Variants in LRRC7 observed in about 807,000 individuals in gnomAD.
LRRC7 encodes leucine-rich repeat-containing protein 7.
A neutral mutation model predicts 175.7 loss-of-function variants in LRRC7; 23 were observed. The observed-to-expected ratio is 0.13, with a 90% CI of 0.09 to 0.19. The LOEUF (loss-of-function observed/expected upper bound fraction) is 0.19. Ranked by LOEUF, LRRC7 falls within the 10% of genes least tolerant of loss-of-function variation. LRRC7 has a pLI of 1.00. For missense variants in LRRC7, 1,354 were observed against 1,904.7 expected (o/e 0.71, Z 5.38); for synonymous variants, 685 against 680.9 (o/e 1.01, Z -0.09).
intron 2 of LRRC7, among the ~76,000 whole-genome samples, chr1:69,689,579 A>C (rs1661589025): frequency 6.6e-6 from 1 of 152,198 alleles, no homozygotes; most frequent in African/African-American, 2.4e-5. Flanking sequence ...AGCTCTGTTT[A>C]TCTCTAGTCA....
chr1:69,614,116 T>G (rs1460550483), intron 1 of LRRC7, among the ~76,000 whole-genome samples: 1 of 152,064 alleles, frequency 6.6e-6, no homozygotes, highest in Non-Finnish European at 1.5e-5. Context: ...TGCCTACTTT[T>G]CATTTCATGT....
At chr1:69,743,697 G>A (rs985517750) in intron 2 of LRRC7, among the ~76,000 whole-genome samples, 5 of 151,862 alleles carry the variant, frequency 3.3e-5, no homozygotes, top group African/African-American at 4.8e-5. Context: ...TTAGCTAGAA[G>A]GTGGAAGTAA....
At chr1:69,908,101 G>T (rs1227557060) in intron 7 of LRRC7, among the ~76,000 whole-genome samples, 1 of 152,150 alleles carries the variant, frequency 6.6e-6, no homozygotes, top group African/African-American at 2.4e-5. Context: ...TGACATCAGT[G>T]GTGATATCGC....
In LRRC7 at chr1:69,663,115, A is replaced by C. The variant is rs116826086; in HGVS notation, c.3-15266A>C. Among the ~76,000 whole-genome samples the C allele has an allele frequency of 9.6e-3, 1,456 of 152,150 alleles. 23 individuals are homozygous for C. The highest frequency in any genetic ancestry group is 0.034 in the African/African-American group (1,392 of 41,508). On this transcript the variant is annotated intron_variant, in intron 1 of 26. Transcript: ENST00000651989. The stretch of plus-strand genomic sequence containing the variant: ...TAGAAATCTTATTTCTTCTTTTTCC[A>C]TAAGAATGGTTAGTCCTACTTTCAT...
chr1:69,790,841 A>G (rs761895303), intron 3 of LRRC7, among the ~76,000 whole-genome samples: 5 of 152,018 alleles, frequency 3.3e-5, no homozygotes, highest in Non-Finnish European at 7.4e-5. Flanking sequence ...TTAATTCTAC[A>G]CTACATGAAG....
chr1:70,088,351 G>A (rs1025423131), intron 24 of LRRC7, among the ~76,000 whole-genome samples: 73 of 152,138 alleles, frequency 4.8e-4, no homozygotes, highest in African/African-American at 1.7e-3. Context: ...GAGGACAGGA[G>A]TTCGAGACTA....
chr1:69,736,157 A>C (rs544185524), intron 2 of LRRC7, among the ~76,000 whole-genome samples: 1 of 152,230 alleles, frequency 6.6e-6, no homozygotes, highest in African/African-American at 2.4e-5. Context: ...CTTTCCAAAA[A>C]TAACATTTGA....
chr1:70,008,430 A>G (rs1055530057), intron 11 of LRRC7, among the ~76,000 whole-genome samples: 12 of 152,206 alleles, frequency 7.9e-5, no homozygotes, highest in African/African-American at 2.7e-4. Flanking sequence ...AGTTTATTCT[A>G]TGCTCTATGC....
At chr1:69,906,081 A>T (rs2211662) in intron 7 of LRRC7, among the ~76,000 whole-genome samples, 1 of 151,972 alleles carries the variant, frequency 6.6e-6, no homozygotes, top group African/African-American at 2.4e-5. Flanking sequence ...TGTTCATATC[A>T]TTCACCCACT....
At chr1:69,648,099 C>G (rs1450896906) in intron 1 of LRRC7, among the ~76,000 whole-genome samples, 1 of 151,904 alleles carries the variant, frequency 6.6e-6, no homozygotes, top group Non-Finnish European at 1.5e-5. Flanking sequence ...AACCAGAATA[C>G]TAGGTTAATA....
At chr1:69,922,046 C>A (rs535675670) in intron 7 of LRRC7, among the ~76,000 whole-genome samples, 8 of 152,310 alleles carry the variant, frequency 5.3e-5, no homozygotes, top group Admixed American at 5.2e-4. Context: ...CTGCCTCAAC[C>A]TTCTGAGTAG....
At chr1:70,101,996 T>C (rs1664837076) in intron 25 of LRRC7, among the ~76,000 whole-genome samples, 1 of 152,176 alleles carries the variant, frequency 6.6e-6, no homozygotes, top group South Asian at 2.1e-4. Flanking sequence ...AGATACCCTC[T>C]AGAGGTGGTG....
Position 69,618,130 on chromosome 1 carries a change from A to AT in LRRC7, c.2+49496dup, listed in dbSNP as rs202046912. 6.9e-3 allele frequency among the ~76,000 whole-genome samples: 1,047 copies of AT among 151,652 alleles called. 7 individuals are homozygous for AT. Among genetic ancestry groups the AT allele is most frequent in the African/African-American group, 0.024 (989 of 41,376 alleles). On this transcript the variant is annotated intron_variant, in intron 1 of 26. Transcript: ENST00000651989. ...TGCTATGTAAGAACACACTTATCTCATTTTTTTCCCCCGCAGGAACTCTGG... is the reference window on the plus strand; with the variant it reads ...TGCTATGTAAGAACACACTTATCTCATTTTTTTTCCCCCGCAGGAACTCTGG...
At chr1:69,571,040 T>C (rs1202527233) in intron 1 of LRRC7, among the ~76,000 whole-genome samples, 2 of 152,244 alleles carry the variant, frequency 1.3e-5, no homozygotes, top group Non-Finnish European at 2.9e-5. Flanking sequence ...AGGTGGTTTA[T>C]TTATGTGTTA....
rs1558099572 is a variant in LRRC7 at position 70,139,961 on chromosome 1, A to T, written c.*18074A>T. The T allele has an allele frequency of 6.6e-6, 1 of 152,164 alleles. No individual in the cohort carries two copies. The highest frequency in any genetic ancestry group is 1.5e-5 in the Non-Finnish European group (1 of 68,018). The allele number at this position is 152,164 out of a possible 1,614,324, so 9.4% of individuals were successfully genotyped here. A position where few individuals can be genotyped will look rare whatever the true frequency, so the allele number is the denominator to read the frequency against. ...CATGAAGTAAAATAATTATTTCCTT[A>T]ATGAGAAACTTAATTCTAGGGTACT... is the stretch of plus-strand genomic sequence containing the variant. On this transcript the variant is annotated 3_prime_UTR_variant, in exon 27 of 27. Coordinates refer to ENST00000651989, the MANE Select transcript of LRRC7 (RefSeq NM_001370785.2).
chr1:69,873,128 G>A (rs1685718967), intron 7 of LRRC7, among the ~76,000 whole-genome samples: 1 of 152,134 alleles, frequency 6.6e-6, no homozygotes, highest in South Asian at 2.1e-4. Context: ...GGAAGTGATA[G>A]TGTAAGCAAG....
intron 8 of LRRC7, among the ~76,000 whole-genome samples, chr1:69,963,521 T>C (rs945781007): frequency 6.6e-6 from 1 of 152,058 alleles, no homozygotes; most frequent in Non-Finnish European, 1.5e-5. Flanking sequence ...TTTGTATTCT[T>C]TGGATAATGG....
intron 2 of LRRC7, among the ~76,000 whole-genome samples, chr1:69,729,311 C>A (rs187302661): frequency 2.0e-5 from 3 of 152,268 alleles, no homozygotes; most frequent in African/African-American, 7.2e-5. Context: ...TTCACTTATT[C>A]CAGCATTATC....
At chr1:70,045,174 T>TA (rs536150522) in intron 22 of LRRC7, among the ~76,000 whole-genome samples, 46 of 146,448 alleles carry the variant, frequency 3.1e-4, no homozygotes, top group African/African-American at 5.5e-4. Flanking sequence ...ACCGTAACTT[T>TA]AAAAAAAAAA....
Sources: allele counts gnomAD v4.1 joint callset (sites outside exome capture counted in the v4.1 genomes callset), GRCh38; gene constraint gnomAD v4.1.1; transcripts MANE v1.5; gene names NCBI Gene and HGNC (gene_info 2026-07-23, HGNC 2026-07-21).